The following SEMA4D variants were observed in gnomAD, a reference collection of about 807,000 sequenced individuals.
The protein encoded by SEMA4D is semaphorin-4D.
SEMA4D carries 22 observed loss-of-function variants against 74.8 expected under a neutral mutation model. The observed-to-expected ratio is 0.29, with a 90% CI of 0.21 to 0.42. SEMA4D has a LOEUF of 0.42. Ranked by LOEUF, SEMA4D falls within the 10% of genes least tolerant of loss-of-function variation. SEMA4D has a pLI of 1.00. For missense variants in SEMA4D, 937 were observed against 1,118.4 expected (o/e 0.84, Z 2.31); for synonymous variants, 445 against 463.7 (o/e 0.96, Z 0.52).
intron 1 of SEMA4D, among the ~76,000 whole-genome samples, chr9:89,463,707 G>A (rs1336274219): frequency 2.0e-5 from 3 of 152,080 alleles, no homozygotes; most frequent in Admixed American, 6.5e-5. Context: ...AGGCTGAGGC[G>A]GGCATATCAC....
At chr9:89,362,247 C>CCAT (rs1757797793) in exon 19 of SEMA4D, 8 of 1,300,676 alleles carry the variant, frequency 6.2e-6, no homozygotes, top group Non-Finnish European at 7.7e-6. Context: ...CCGCCTCTGC[C>CCAT]CATCAGGTGG....
chr9:89,450,150 G>GA, intron 2 of SEMA4D: 2 of 1,280,276 alleles, frequency 1.6e-6, no homozygotes, highest in Non-Finnish European at 2.3e-6. Context: ...CATCGATGGA[G>GA]AAAAAACCAT....
intron 1 of SEMA4D, among the ~76,000 whole-genome samples, chr9:89,465,431 CAAA>C (rs1465940918): frequency 2.0e-5 from 3 of 151,722 alleles, no homozygotes; most frequent in Non-Finnish European, 4.4e-5. Context: ...GAGGGGAAGT[CAAA>C]GAATCACAAA....
chr9:89,399,930 G>A (rs765842515), intron 4 of SEMA4D, among the ~76,000 whole-genome samples: 6 of 141,024 alleles, frequency 4.3e-5, no homozygotes, highest in African/African-American at 7.7e-5. Context: ...CCCGGGAGGC[G>A]AAGGTTGCAG....
At chr9:89,411,806 C>A (rs4877083) in intron 2 of SEMA4D, among the ~76,000 whole-genome samples, 34,146 of 152,096 alleles carry the variant, frequency 0.22, 4,293 homozygotes, top group Non-Finnish European at 0.28. Context: ...CTAGGGCAGC[C>A]AGATCTGGGG....
intron 2 of SEMA4D, among the ~76,000 whole-genome samples, chr9:89,433,279 C>T (rs147861840): frequency 2.0e-3 from 245 of 124,764 alleles, no homozygotes; most frequent in African/African-American, 7.6e-3. Context: ...AGACAGCAGC[C>T]GGCAGCAGAC....
intron 6 of SEMA4D, among the ~76,000 whole-genome samples, chr9:89,394,074 A>G (rs1354949150): frequency 6.6e-6 from 1 of 152,260 alleles, no homozygotes; most frequent in East Asian, 1.9e-4. Context: ...GACCCAATAA[A>G]TAGGAAGCAG....
In SEMA4D at chr9:89,492,857, C is replaced by G. The variant is rs1588207579; in HGVS notation, c.-310+5062G>C. On this transcript the variant is annotated intron_variant, in intron 1 of 15. Coordinates refer to ENST00000422704, the MANE Select transcript of SEMA4D (RefSeq NM_001371194.2). The surrounding 1 kb of genome is among the most constrained non-coding windows in gnomAD (Gnocchi z 4.3). ...TCATGTGTGCCTAAGTGTCCCCTCA[C>G]CACTCCTCACCTCCCCTACATCTAG... 6.6e-6 allele frequency among the ~76,000 whole-genome samples: 1 copy of G among 152,288 alleles called. No individual in the cohort carries two copies. The highest frequency in any genetic ancestry group is 2.1e-4 in the South Asian group (1 of 4,820).
downstream of SEMA4D, among the ~76,000 whole-genome samples, chr9:89,374,993 C>A (rs1835589931): frequency 6.6e-6 from 1 of 152,222 alleles, no homozygotes; most frequent in African/African-American, 2.4e-5. Context: ...GCGAAGCTTG[C>A]AGTGAGCCAA....
chr9:89,472,433 G>T, intron 1 of SEMA4D: 1 of 290,508 alleles, frequency 3.4e-6, no homozygotes, highest in Non-Finnish European at 6.8e-6. Context: ...CAAATATACA[G>T]CCTTAAAATA....
intron 6 of SEMA4D, among the ~76,000 whole-genome samples, chr9:89,396,081 C>A (rs1840891467): frequency 6.6e-6 from 1 of 152,174 alleles, no homozygotes; most frequent in Non-Finnish European, 1.5e-5. Context: ...GGATACCAGG[C>A]TGGGCAGTCA....
chr9:89,413,786 ATC>A (rs1435381603), intron 2 of SEMA4D, among the ~76,000 whole-genome samples: 4 of 152,216 alleles, frequency 2.6e-5, no homozygotes, highest in African/African-American at 9.7e-5. Flanking sequence ...ATACATATGT[ATC>A]TGTGTATGCA....
chr9:89,420,999 C>CA (rs1466809677), intron 2 of SEMA4D, among the ~76,000 whole-genome samples: 1 of 152,218 alleles, frequency 6.6e-6, no homozygotes, highest in African/African-American at 2.4e-5. Context: ...TAAGAAGACT[C>CA]AGAGAGATAT....
At chr9:89,434,358 T>A (rs1312205942) in intron 2 of SEMA4D, among the ~76,000 whole-genome samples, 1 of 152,222 alleles carries the variant, frequency 6.6e-6, no homozygotes, top group Non-Finnish European at 1.5e-5. Context: ...CAATCTCCAC[T>A]GAGACCTTTG....
chr9:89,382,623 T>C (rs1265254758), intron 13 of SEMA4D, among the ~76,000 whole-genome samples: 1 of 152,176 alleles, frequency 6.6e-6, no homozygotes, highest in East Asian at 1.9e-4. Context: ...TGAGGCCATG[T>C]GTGAGCCACG....
chr9:89,399,237 C>T (rs370332486), intron 5 of SEMA4D, 39 bp downstream of exon 5: 34 of 1,550,604 alleles, frequency 2.2e-5, no homozygotes, highest in Non-Finnish European at 2.7e-5. Context: ...CCAAGAAATA[C>T]TTGAATGGGA....
intron 6 of SEMA4D, among the ~76,000 whole-genome samples, chr9:89,395,078 G>A (rs972341239): frequency 6.6e-6 from 1 of 152,134 alleles, no homozygotes; most frequent in African/African-American, 2.4e-5. Context: ...TAGGTTGCCA[G>A]GATATACAAG....
chr9:89,433,377 G>A (rs1356409549), intron 2 of SEMA4D, among the ~76,000 whole-genome samples: 2 of 152,210 alleles, frequency 1.3e-5, no homozygotes, highest in East Asian at 1.9e-4. Context: ...CAGCACTGAC[G>A]GAGTCCTTGA....
At chr9:89,497,612 G>A (rs1022768868) in intron 1 of SEMA4D, among the ~76,000 whole-genome samples, 3 of 151,778 alleles carry the variant, frequency 2.0e-5, no homozygotes, top group African/African-American at 7.2e-5. Flanking sequence ...CTGCGCGCAG[G>A]GACTGGGGAG....
Sources: allele counts gnomAD v4.1 joint callset (sites outside exome capture counted in the v4.1 genomes callset), GRCh38; gene constraint gnomAD v4.1.1; non-coding constraint Gnocchi (gnomAD v3.1); transcripts MANE v1.5; gene names NCBI Gene and HGNC (gene_info 2026-07-23, HGNC 2026-07-21).